CEP57L1: variants seen among roughly 807,000 people sequenced by gnomAD.
The protein encoded by CEP57L1 is centrosomal protein 57 like 1.
In CEP57L1, 37 loss-of-function variants were observed where a neutral mutation model predicts 61.0. The observed-to-expected ratio is 0.61, with a 90% CI of 0.47 to 0.80. The LOEUF (loss-of-function observed/expected upper bound fraction) is 0.80. Among genes scored for constraint, CEP57L1 ranks in the 30% least tolerant of loss-of-function variants. The pLI is 0.00. For missense variants in CEP57L1, 422 were observed against 524.7 expected (o/e 0.80, Z 1.91); for synonymous variants, 137 against 162.3 (o/e 0.84, Z 1.19).
chr6:109,160,400 G>C (rs768044709), intron 9 of CEP57L1, among the ~76,000 whole-genome samples, 172 bp from the exon 10 acceptor site: 1 of 152,102 alleles, frequency 6.6e-6, no homozygotes, highest in Admixed American at 6.6e-5. Context: ...AATCACAGGA[G>C]CCTGGTTATA....
At chr6:109,112,474 A>C (rs1334667013) in intron 1 of CEP57L1, among the ~76,000 whole-genome samples, 1 of 151,802 alleles carries the variant, frequency 6.6e-6, no homozygotes, top group Admixed American at 6.6e-5. Context: ...TCCTGGATTC[A>C]TTGATTTTTT....
chr6:109,166,382 T>C lies in CEP57L1; in HGVS notation c.*3412T>C, dbSNP rs1036525026. On this transcript the variant is annotated 3_prime_UTR_variant, in exon 11 of 11. Transcript: ENST00000517392. ...TAATTTTAACTATAAATGTATATTCTTTTTTTTTTTTTTTTGGTGGGCATG... is the reference window on the plus strand; with the variant it reads ...TAATTTTAACTATAAATGTATATTCCTTTTTTTTTTTTTTTGGTGGGCATG... Among the ~76,000 whole-genome samples, 1 of 106,254 alleles carries C rather than the reference T, an allele frequency of 9.4e-6. No homozygotes were observed. The highest frequency in any genetic ancestry group is 4.0e-5 in the African/African-American group (1 of 25,074). 69.7% of individuals were successfully genotyped at this position (106,254 alleles called of 152,430 possible).
At chr6:109,150,388 A>G (rs1279233889) in intron 4 of CEP57L1, 149 bp downstream of exon 4, 5 of 921,132 alleles carry the variant, frequency 5.4e-6, no homozygotes, top group Admixed American at 2.8e-5. Flanking sequence ...AAGGAAAGGA[A>G]AGGAAAATGG....
At chr6:109,100,240 G>C (rs1171935034) in intron 1 of CEP57L1, 1 of 152,098 alleles carries the variant, frequency 6.6e-6, no homozygotes, top group Non-Finnish European at 1.5e-5. Flanking sequence ...CAAGAATAAA[G>C]GAATGAATGA....
rs899500566 is a variant in CEP57L1 at position 109,128,937 on chromosome 6, G to C, written c.-3-16282G>C. ...CTGAAGGCCGGGCACAGTGGCTCATGCCTGTAATCCCAGCACTTTGGGAGG... is the reference window on the plus strand; with the variant it reads ...CTGAAGGCCGGGCACAGTGGCTCATCCCTGTAATCCCAGCACTTTGGGAGG... On this transcript the variant is annotated intron_variant, in intron 1 of 10. Coordinates refer to ENST00000517392, the MANE Select transcript of CEP57L1 (RefSeq NM_001271852.3). Among the ~76,000 whole-genome samples the C allele has an allele frequency of 3.3e-4, 51 of 152,308 alleles. 1 individual carries two copies. Among genetic ancestry groups the C allele is most frequent in the Admixed American group, 7.8e-4 (12 of 15,298 alleles).
rs1377001139 is a variant in CEP57L1 at position 109,170,476 on chromosome 6, T to C, written c.*7506T>C. Among the ~76,000 whole-genome samples the C allele has an allele frequency of 6.6e-6, 1 of 152,172 alleles. No homozygotes were observed. Among genetic ancestry groups the C allele is most frequent in the Non-Finnish European group, 1.5e-5 (1 of 68,014 alleles). ...CTTTGGTATTTCTTAGAAAAACCTGTTACTGAACCTAGTACAGAATGTGAA... is the reference window on the plus strand; with the variant it reads ...CTTTGGTATTTCTTAGAAAAACCTGCTACTGAACCTAGTACAGAATGTGAA... On this transcript the variant is annotated 3_prime_UTR_variant, in exon 11 of 11. Transcript: ENST00000517392.
chr6:109,122,811 GAA>G (rs199704709), intron 1 of CEP57L1, among the ~76,000 whole-genome samples: 1 of 149,710 alleles, frequency 6.7e-6, no homozygotes, highest in East Asian at 2.0e-4. Flanking sequence ...TGTCTCAAAA[GAA>G]AAAAAAAGAC....
rs1487535765 is a variant in CEP57L1, at chr6:109,170,965, T to C, written c.*7995T>C. 3.9e-5 allele frequency among the ~76,000 whole-genome samples: 6 copies of C among 152,216 alleles called. No individual in the cohort carries two copies. The highest frequency in any genetic ancestry group is 1.4e-4 in the African/African-American group (6 of 41,464). On this transcript the variant is annotated 3_prime_UTR_variant, in exon 11 of 11. Transcript: ENST00000517392. The stretch of plus-strand genomic sequence containing the variant: ...TTACTTTAATCTAAAAAATAATTGA[T>C]TTTTTAAAAAACTTATTCTATTTTA...
At chr6:109,146,290 G>A (rs1444258175) in intron 2 of CEP57L1, among the ~76,000 whole-genome samples, 1 of 151,682 alleles carries the variant, frequency 6.6e-6, no homozygotes, top group Admixed American at 6.6e-5. Context: ...ACTGCATCAT[G>A]GACAAAGAAA....
In CEP57L1 at chr6:109,159,260, T is replaced by C. The variant is rs1165191274; in HGVS notation, c.823-9T>C. The C allele has an allele frequency of 1.2e-6, 2 of 1,613,984 alleles. No individual in the cohort carries two copies. The highest frequency in any genetic ancestry group is 2.7e-5 in the African/African-American group (2 of 74,928). On this transcript the variant is annotated splice_polypyrimidine_tract_variant and intron_variant, in intron 8 of 10. Coordinates refer to ENST00000517392, the MANE Select transcript of CEP57L1 (RefSeq NM_001271852.3). Reference sequence around the variant, plus strand: ...TTCTGTGAATGCAAGTATGCAAAACTTTTTGCAGATGAGGCAACATCGTGA... The same window carrying C: ...TTCTGTGAATGCAAGTATGCAAAACCTTTTGCAGATGAGGCAACATCGTGA...
At chr6:109,108,696 G>T (rs1219290001) in intron 1 of CEP57L1, among the ~76,000 whole-genome samples, 2 of 152,006 alleles carry the variant, frequency 1.3e-5, no homozygotes, top group Admixed American at 1.3e-4. Context: ...TTTGAATTCT[G>T]TTACTCAATT....
rs142651236 is a variant in CEP57L1 at position 109,160,514 on chromosome 6, G to A, written c.1017-58G>A. On this transcript the variant is annotated intron_variant, in intron 9 of 10. Transcript: ENST00000517392. ...TTGAACAGAAAATTGCTTAATTATG[G>A]CAAAGAAATATATGCAATAAACTAT... The A allele has an allele frequency of 1.6e-3, 2,241 of 1,360,218 alleles. 39 individuals carry two copies. In the African/African-American group the frequency reaches 0.03, roughly 18 times the overall value. The allele number at this position is 1,360,218 out of a possible 1,614,324, so 84.3% of individuals were successfully genotyped here.
At chr6:109,102,872 GA>G (rs1770489223) in intron 1 of CEP57L1, among the ~76,000 whole-genome samples, 2 of 152,288 alleles carry the variant, frequency 1.3e-5, no homozygotes, top group Admixed American at 1.3e-4. Flanking sequence ...AGGCCAGGGA[GA>G]ACTTTATCTG....
chr6:109,157,259 AAGTAG>A (rs1773304852), intron 7 of CEP57L1: 1 of 152,170 alleles, frequency 6.6e-6, no homozygotes, highest in Non-Finnish European at 1.5e-5. Flanking sequence ...AAGTTGCTGA[AAGTAG>A]GATCAGATTT....
At chr6:109,121,024 T>C (rs1401986329) in intron 1 of CEP57L1, among the ~76,000 whole-genome samples, 1 of 151,934 alleles carries the variant, frequency 6.6e-6, no homozygotes, top group African/African-American at 2.4e-5. Context: ...AAAGAGGTGC[T>C]CTAGTGGGGT....
Position 109,165,767 on chromosome 6 carries a change from C to T in CEP57L1, c.*2797C>T, listed in dbSNP as rs1774059378. 1 of 152,216 alleles carries T rather than the reference C, an allele frequency of 6.6e-6. No individual in the cohort carries two copies. Among genetic ancestry groups the T allele is most frequent in the Non-Finnish European group, 1.5e-5 (1 of 68,054 alleles). 9.4% of individuals were successfully genotyped at this position (152,216 alleles called of 1,614,324 possible). On this transcript the variant is annotated 3_prime_UTR_variant, in exon 11 of 11. Coordinates refer to ENST00000517392, the MANE Select transcript of CEP57L1 (RefSeq NM_001271852.3). ...TCACAGACTGCCTGCTTGCCAGAGC[C>T]TTTGACTCCTCAGGGGGTGGAGCAA...
In CEP57L1 at chr6:109,159,402, T is replaced by C. The variant is rs896126520; in HGVS notation, c.956T>C (p.Ile319Thr). The change falls in exon 9 of 11, where the codon ATT becomes ACT. Residue 319 changes from isoleucine (I) to threonine (T), a missense_variant. Coordinates refer to ENST00000517392, the MANE Select transcript of CEP57L1 (RefSeq NM_001271852.3). ...CCTGACTCAGAAAAGTCCATTTCCA[T>C]TTGTGACAATTTATCTGAACTTTTG... ...IPPDSEKSIS[I>T]CDNLSELLMA... The C allele has an allele frequency of 5.0e-6, 8 of 1,613,832 alleles. No homozygotes were observed. The African/African-American group carries it at 9.3e-5, about 19-fold the overall frequency.
In CEP57L1 at chr6:109,113,663, G is replaced by A. The variant is rs910016565; in HGVS notation, c.-4+18088G>A. Reference sequence around the variant, plus strand: ...AACTGCTGCCAAATATAGTTTAAATGTGAATCCTGATTTTGGAGATGTTAA... The same window carrying A: ...AACTGCTGCCAAATATAGTTTAAATATGAATCCTGATTTTGGAGATGTTAA... On this transcript the variant is annotated intron_variant, in intron 1 of 10. Transcript: ENST00000517392. Among the ~76,000 whole-genome samples, 5 of 152,092 alleles carry A rather than the reference G, an allele frequency of 3.3e-5. No homozygotes were observed. The South Asian group carries it at 1.0e-3, about 31-fold the overall frequency.
chr6:109,169,082 C>A lies in CEP57L1; in HGVS notation c.*6112C>A, dbSNP rs911492612. Among the ~76,000 whole-genome samples, 1 of 151,282 alleles carries A rather than the reference C, an allele frequency of 6.6e-6. No homozygotes were observed. The highest frequency in any genetic ancestry group is 6.6e-5 in the Admixed American group (1 of 15,194). On this transcript the variant is annotated 3_prime_UTR_variant, in exon 11 of 11. Coordinates refer to ENST00000517392, the MANE Select transcript of CEP57L1 (RefSeq NM_001271852.3). ...CTCTACTAAAAATACAAAAATTAGCCGGGCATGGTGGTATGTGCCTGTAAT... is the reference window on the plus strand; with the variant it reads ...CTCTACTAAAAATACAAAAATTAGCAGGGCATGGTGGTATGTGCCTGTAAT...
Sources: allele counts gnomAD v4.1 joint callset (sites outside exome capture counted in the v4.1 genomes callset), GRCh38; gene constraint gnomAD v4.1.1; transcripts MANE v1.5; gene names NCBI Gene and HGNC (gene_info 2026-07-23, HGNC 2026-07-21).